ADAMTS5: variants seen among roughly 807,000 people sequenced by gnomAD.
ADAMTS5 encodes the protein ADAM metallopeptidase with thrombospondin type 1 motif 5.
A neutral mutation model predicts 81.4 loss-of-function variants in ADAMTS5; 54 were observed. The ratio of observed to expected loss-of-function variants is 0.66; its 90% CI spans 0.53 to 0.83. The LOEUF is 0.83. Ranked by LOEUF, ADAMTS5 falls within the 40% of genes least tolerant of loss-of-function variation. The probability of loss-of-function intolerance (pLI) is 0.00; values close to 1 mark genes in which losing one functional copy is unlikely to be tolerated. For synonymous variants in ADAMTS5, 532 were observed against 508.8 expected (o/e 1.05, Z -0.61); for missense variants, 1,194 against 1,229.9 (o/e 0.97, Z 0.44).
chr21:26,936,700 G>A (rs1424836848), intron 3 of ADAMTS5, among the ~76,000 whole-genome samples: 16 of 152,074 alleles, frequency 1.1e-4, no homozygotes, highest in Non-Finnish European at 1.5e-5. Flanking sequence ...TTAAAAATAA[G>A]AATCCAGCCA....
At chr21:26,949,483 G>A (rs1601013178) in intron 2 of ADAMTS5, among the ~76,000 whole-genome samples, 1 of 152,030 alleles carries the variant, frequency 6.6e-6, no homozygotes, top group Admixed American at 6.6e-5. Context: ...CAGCCAACAA[G>A]CTTTGATATT....
intron 1 of ADAMTS5, among the ~76,000 whole-genome samples, chr21:26,963,641 C>CAAAAAAAAAAAAAA (rs533760778): frequency 3.3e-5 from 1 of 30,020 alleles, no homozygotes; most frequent in Non-Finnish European, 7.0e-5. Context: ...AGTTGCTTAC[C>CAAAAAAAAAAAAAA]AAAAAAAAAA....
chr21:26,920,749 G>A lies in ADAMTS5; in HGVS notation c.*3304C>T, dbSNP rs1207006332. 6.6e-6 allele frequency: 1 copy of A among 151,998 alleles called. No homozygotes were observed. Among genetic ancestry groups the A allele is most frequent in the Non-Finnish European group, 1.5e-5 (1 of 67,964 alleles). 9.4% of individuals were successfully genotyped at this position (151,998 alleles called of 1,614,324 possible). Reference sequence around the variant, plus strand: ...TTGCACCTTGTTTCATTGAATAAGTGTTTTTCTTATTTGTGACTTGGAAAA... The same window carrying A: ...TTGCACCTTGTTTCATTGAATAAGTATTTTTCTTATTTGTGACTTGGAAAA... On this transcript the variant is annotated 3_prime_UTR_variant, in exon 8 of 8. Coordinates refer to ENST00000284987, the MANE Select transcript of ADAMTS5 (RefSeq NM_007038.5).
intron 3 of ADAMTS5, among the ~76,000 whole-genome samples, chr21:26,940,952 T>C (rs1987103916): frequency 6.6e-6 from 1 of 152,190 alleles, no homozygotes; most frequent in Non-Finnish European, 1.5e-5. Flanking sequence ...CAATTCATCT[T>C]TAAATAATAG....
At chr21:26,957,324 G>A (rs962275748) in intron 1 of ADAMTS5, among the ~76,000 whole-genome samples, 2 of 151,814 alleles carry the variant, frequency 1.3e-5, no homozygotes, top group Non-Finnish European at 2.9e-5. Context: ...ATATTATTGG[G>A]GCAATAGTAT....
At chr21:26,948,241 T>C (rs914114626) in intron 2 of ADAMTS5, among the ~76,000 whole-genome samples, 5 of 152,188 alleles carry the variant, frequency 3.3e-5, no homozygotes, top group Non-Finnish European at 5.9e-5. Context: ...CAGGGCTGAC[T>C]TATAACATTA....
Position 26,965,606 on chromosome 21 carries a change from G to A in ADAMTS5, c.786C>T (p.Ser262=), listed in dbSNP as rs1987629693. Residue 262 remains serine, a synonymous_variant, in exon 1 of 8, where the codon TCC becomes TCT. Coordinates refer to ENST00000284987, the MANE Select transcript of ADAMTS5 (RefSeq NM_007038.5). ...GCTCCACCTGGCGGGCCCGGGAGATGGAGCGGCGCCGCCGCCGCCACCACG... is the reference window on the plus strand; with the variant it reads ...GCTCCACCTGGCGGGCCCGGGAGATAGAGCGGCGCCGCCGCCGCCACCACG... ...PQTWWRRRRR[S]ISRARQVELL... is the part of the protein sequence containing the mutation. The A allele has an allele frequency of 2.5e-6, 4 of 1,600,740 alleles. No homozygotes were observed. Among genetic ancestry groups the A allele is most frequent in the Non-Finnish European group, 3.4e-6 (4 of 1,174,736 alleles).
Position 26,924,198 on chromosome 21 carries a change from G to A in ADAMTS5, c.2648C>T (p.Pro883Leu). The A allele has an allele frequency of 1.2e-5, 19 of 1,614,212 alleles. No homozygotes were observed. The highest frequency in any genetic ancestry group is 1.6e-5 in the Non-Finnish European group (19 of 1,180,024). ...ACAGGTCCTAGAGCAGGCGAGCCATGGGCCCGTGACCCACTGCGGCTGCGA... is the reference window on the plus strand; with the variant it reads ...ACAGGTCCTAGAGCAGGCGAGCCATAGGCCCGTGACCCACTGCGGCTGCGA... Reference protein sequence around the residue: ...HTSQPQWVTGPWLACSRTCDT... With the variant: ...HTSQPQWVTGLWLACSRTCDT... Residue 883 changes from proline (P) to leucine (L), a missense_variant, in exon 8 of 8, where the codon CCA becomes CTA. Physicochemically the swap from Pro to Leu is moderately conservative, Grantham distance 98. This residue lies in a region of ADAMTS5 where 696 missense variants were observed against 817.6 expected (regional missense o/e 0.85). Coordinates refer to ENST00000284987, the MANE Select transcript of ADAMTS5 (RefSeq NM_007038.5).
At chr21:26,964,022 G>A (rs542225440) in intron 1 of ADAMTS5, among the ~76,000 whole-genome samples, 1 of 152,102 alleles carries the variant, frequency 6.6e-6, no homozygotes, top group Non-Finnish European at 1.5e-5. Context: ...AGAAGAATTA[G>A]GTAGCGAAGC....
chr21:26,924,667 A>G (rs1986774176), intron 7 of ADAMTS5, 47 bp from the exon 8 acceptor site: 1 of 1,468,820 alleles, frequency 6.8e-7, no homozygotes, highest in African/African-American at 1.4e-5. Context: ...TGGTTAAAAA[A>G]AGGGAGAAAA....
intron 2 of ADAMTS5, among the ~76,000 whole-genome samples, chr21:26,949,467 C>T (rs1427811599): frequency 6.6e-6 from 1 of 152,016 alleles, no homozygotes; most frequent in African/African-American, 2.4e-5. Flanking sequence ...GCATGAGCCA[C>T]CACACCAGCC....
intron 3 of ADAMTS5, among the ~76,000 whole-genome samples, chr21:26,941,614 T>A (rs992420103): frequency 1.3e-5 from 2 of 152,046 alleles, no homozygotes; most frequent in African/African-American, 2.4e-5. Flanking sequence ...GGGAAAAAAA[T>A]TTGGTCTCAT....
rs1446235461 is a variant in ADAMTS5, at chr21:26,922,072, C to T, written c.*1981G>A. ...GCACTGGGATTATTATTTTTTTTCT[C>T]ACCTATTTAACTAGGTTTGCTTTCT... On this transcript the variant is annotated 3_prime_UTR_variant, in exon 8 of 8. Transcript: ENST00000284987. 2.0e-5 allele frequency: 3 copies of T among 151,874 alleles called. No homozygotes were observed. Among genetic ancestry groups the T allele is most frequent in the African/African-American group, 7.2e-5 (3 of 41,394 alleles). The allele number at this position is 151,874 out of a possible 1,614,324, so 9.4% of individuals were successfully genotyped here. A position where few individuals can be genotyped will look rare whatever the true frequency, so the allele number is the denominator to read the frequency against.
intron 2 of ADAMTS5, among the ~76,000 whole-genome samples, chr21:26,952,038 C>A (rs917108709): frequency 6.6e-6 from 1 of 152,140 alleles, no homozygotes; most frequent in African/African-American, 2.4e-5. Flanking sequence ...GAACCAGATT[C>A]TTTTATGAAA....
In ADAMTS5 at chr21:26,965,704, C is replaced by A; in HGVS notation, c.688G>T (p.Gly230Ter). ...EHAPAHSNPS[G>*]RAALASQLLD... ...AGCTGCGAGGCCAGTGCTGCGCGTC[C>A]GCTCGGGTTGCTGTGCGCCGGAGCA... Residue 230 changes from glycine to a stop codon, truncating the protein, a stop_gained, in exon 1 of 8, where the codon GGA becomes TGA. Transcript: ENST00000284987. LOFTEE classifies it high-confidence loss of function. 1 of 1,582,608 alleles carries A rather than the reference C, an allele frequency of 6.3e-7. No homozygotes were observed. Among genetic ancestry groups the A allele is most frequent in the Non-Finnish European group, 8.6e-7 (1 of 1,166,424 alleles).
At chr21:26,953,900 A>G (rs936811382) in intron 2 of ADAMTS5, 1 of 154,080 alleles carries the variant, frequency 6.5e-6, no homozygotes, top group African/African-American at 2.4e-5. Flanking sequence ...TGGAGCTCAG[A>G]GAGTTTAAAT....
At chr21:26,950,485 G>GT (rs1987296979) in intron 2 of ADAMTS5, among the ~76,000 whole-genome samples, 1 of 152,184 alleles carries the variant, frequency 6.6e-6, no homozygotes, top group Admixed American at 6.5e-5. Context: ...TGGGGACTGT[G>GT]TTTTTGATAG....
At chr21:26,936,273 C>A (rs1351022532) in intron 3 of ADAMTS5, among the ~76,000 whole-genome samples, 1 of 152,114 alleles carries the variant, frequency 6.6e-6, no homozygotes, top group Non-Finnish European at 1.5e-5. Context: ...AGTTAGCTAA[C>A]CTCTCCCTAA....
intron 3 of ADAMTS5, among the ~76,000 whole-genome samples, chr21:26,942,946 A>G (rs1308940008): frequency 2.6e-5 from 4 of 152,204 alleles, no homozygotes; most frequent in African/African-American, 9.6e-5. Context: ...GTTGCCATAA[A>G]GAGAATCCAG....
Sources: gnomAD v4.1 joint callset for allele counts (sites outside exome capture counted in the v4.1 genomes callset) on GRCh38, gnomAD v4.1.1 for gene constraint, gnomAD v4.1.1 regional missense constraint, MANE v1.5 for transcripts, NCBI Gene and HGNC (gene_info 2026-07-23, HGNC 2026-07-21) for gene names.